The following TRPC3 variants were observed in gnomAD, a reference collection of about 807,000 sequenced individuals.
TRPC3 encodes short transient receptor potential channel 3.
In TRPC3, 54 loss-of-function variants were observed where a neutral mutation model predicts 90.9. That is an observed-to-expected ratio of 0.59 (90% CI 0.48 to 0.75). The LOEUF (loss-of-function observed/expected upper bound fraction) is 0.75. Ranked by LOEUF, TRPC3 falls within the 30% of genes least tolerant of loss-of-function variation. TRPC3 has a pLI of 0.00. For missense variants in TRPC3, 918 were observed against 1,194.5 expected (o/e 0.77, Z 3.41); for synonymous variants, 424 against 450.9 (o/e 0.94, Z 0.75).
At chr4:121,942,596 T>A (rs1730357957) in intron 1 of TRPC3, among the ~76,000 whole-genome samples, 1 of 152,104 alleles carries the variant, frequency 6.6e-6, no homozygotes, top group Admixed American at 6.6e-5. Context: ...ACAAAAAACT[T>A]AAAAACAATC....
chr4:121,920,726 T>C (rs1729472997), intron 3 of TRPC3, among the ~76,000 whole-genome samples: 1 of 152,218 alleles, frequency 6.6e-6, no homozygotes, highest in Non-Finnish European at 1.5e-5. Flanking sequence ...ATTTTAAATA[T>C]GCATGTTAGC....
intron 1 of TRPC3, among the ~76,000 whole-genome samples, chr4:121,943,570 T>TC (rs1015261833): frequency 3.9e-5 from 6 of 152,130 alleles, no homozygotes; most frequent in African/African-American, 1.4e-4. Flanking sequence ...TTTTATTATT[T>TC]CAGGAAGACT....
chr4:121,932,797 G>C lies in TRPC3; in HGVS notation c.461C>G (p.Ala154Gly), dbSNP rs1729993564. ...DYMGQNALQL[A>G]VGNEHLEVTE... ...CACCTCCAGGTGCTCGTTGCCCACAGCCAGCTGCAGCGCGTTCTGGCCCAT... is the reference window on the plus strand; with the variant it reads ...CACCTCCAGGTGCTCGTTGCCCACACCCAGCTGCAGCGCGTTCTGGCCCAT... The change falls in exon 2 of 12, where the codon GCT becomes GGT. Residue 154 changes from alanine (A) to glycine (G), a missense_variant. By Grantham distance (60) the Ala-to-Gly change is moderately conservative. Coordinates refer to ENST00000379645, the MANE Select transcript of TRPC3 (RefSeq NM_001130698.2). This position sits in a 1 kb window ranked among gnomAD's most constrained non-coding sequence, Gnocchi z 7.7. 6.2e-7 allele frequency: 1 copy of C among 1,610,636 alleles called. No homozygotes were observed. Among genetic ancestry groups the C allele is most frequent in the South Asian group, 1.1e-5 (1 of 90,794 alleles).
rs1730713008 is a variant in TRPC3 at position 121,951,049 on chromosome 4, C to T, written c.215+417G>A. Among the ~76,000 whole-genome samples the T allele has an allele frequency of 6.6e-6, 1 of 152,214 alleles. No homozygotes were observed. Among genetic ancestry groups the T allele is most frequent in the Non-Finnish European group, 1.5e-5 (1 of 68,032 alleles). On this transcript the variant is annotated intron_variant, in intron 1 of 11. Coordinates refer to ENST00000379645, the MANE Select transcript of TRPC3 (RefSeq NM_001130698.2). The surrounding 1 kb of genome is among the most constrained non-coding windows in gnomAD (Gnocchi z 4.4). ...GCGCGCCTGGGTCTGTGCACATCTT[C>T]CCCTTCCTCGGCCTCCCTGGGTAAG...
chr4:121,898,466 T>C (rs1010248219), intron 10 of TRPC3, among the ~76,000 whole-genome samples: 2 of 152,182 alleles, frequency 1.3e-5, no homozygotes, highest in African/African-American at 4.8e-5. Flanking sequence ...TATGAGAATC[T>C]AATGCCTGAA....
intron 1 of TRPC3, among the ~76,000 whole-genome samples, chr4:121,945,978 A>G (rs1318107429): frequency 6.6e-6 from 1 of 152,234 alleles, no homozygotes; most frequent in Non-Finnish European, 1.5e-5. Flanking sequence ...TAATCACTAA[A>G]ATGGAAATAA....
intron 2 of TRPC3, among the ~76,000 whole-genome samples, chr4:121,929,507 T>G (rs924478491): frequency 4.6e-5 from 7 of 152,220 alleles, no homozygotes; most frequent in Non-Finnish European, 1.0e-4. Flanking sequence ...TTTGGAGGAT[T>G]AGACCAAGAG....
Position 121,951,749 on chromosome 4 carries a change from C to A in TRPC3, c.-69G>T. ...TCCTCCGCCTTCGCGGCAGTGCAGT[C>A]TTCCCGCGGCGCCCCTTCACCACCT... is the stretch of plus-strand genomic sequence containing the variant. On this transcript the variant is annotated 5_prime_UTR_variant, in exon 1 of 12. Transcript: ENST00000379645. The surrounding 1 kb of genome is among the most constrained non-coding windows in gnomAD (Gnocchi z 4.4). 1 of 1,225,932 alleles carries A rather than the reference C, an allele frequency of 8.2e-7. No individual in the cohort carries two copies. Among genetic ancestry groups the A allele is most frequent in the South Asian group, 3.0e-5 (1 of 33,842 alleles). The allele number at this position is 1,225,932 out of a possible 1,614,324, so 75.9% of individuals were successfully genotyped here.
chr4:121,951,698 G>C lies in TRPC3; in HGVS notation c.-18C>G. 1 of 1,298,266 alleles carries C rather than the reference G, an allele frequency of 7.7e-7. No homozygotes were observed. The highest frequency in any genetic ancestry group is 1.5e-5 in the African/African-American group (1 of 64,924). The allele number at this position is 1,298,266 out of a possible 1,614,324, so 80.4% of individuals were successfully genotyped here. On this transcript the variant is annotated 5_prime_UTR_variant, in exon 1 of 12. Coordinates refer to ENST00000379645, the MANE Select transcript of TRPC3 (RefSeq NM_001130698.2). The surrounding 1 kb of genome is among the most constrained non-coding windows in gnomAD (Gnocchi z 4.4). ...GTGGACATCGCGCCGGCTGCGGTCC[G>C]AGTGTGGGGGTGCCGGCTGCCGGCC... is the stretch of plus-strand genomic sequence containing the variant.
At chr4:121,899,153 G>A (rs374164970) in intron 10 of TRPC3, among the ~76,000 whole-genome samples, 1 of 152,142 alleles carries the variant, frequency 6.6e-6, no homozygotes, top group African/African-American at 2.4e-5. Flanking sequence ...ATATTTTAAA[G>A]TAGCACTCAT....
intron 1 of TRPC3, among the ~76,000 whole-genome samples, chr4:121,946,386 TAGA>T (rs1730489967): frequency 6.6e-6 from 1 of 152,298 alleles, no homozygotes; most frequent in South Asian, 2.1e-4. Context: ...TTAGACACCG[TAGA>T]AGATTTAGCT....
intron 1 of TRPC3, among the ~76,000 whole-genome samples, chr4:121,939,496 A>G (rs907791878): frequency 6.6e-6 from 1 of 152,198 alleles, no homozygotes; most frequent in Non-Finnish European, 1.5e-5. Flanking sequence ...AGGACAAATA[A>G]ATAACAGAAG....
At chr4:121,941,720 A>G (rs1730318864) in intron 1 of TRPC3, among the ~76,000 whole-genome samples, 2 of 152,358 alleles carry the variant, frequency 1.3e-5, no homozygotes, top group South Asian at 2.1e-4. Flanking sequence ...GACATCTGAC[A>G]TTTACACAAT....
chr4:121,886,533 A>G (rs1029917043), intron 10 of TRPC3, among the ~76,000 whole-genome samples: 4 of 152,318 alleles, frequency 2.6e-5, no homozygotes, highest in Admixed American at 2.6e-4. Flanking sequence ...CTATTTTTCC[A>G]GACAGCTGGT....
At chr4:121,922,085 A>AT (rs986565060) in intron 3 of TRPC3, among the ~76,000 whole-genome samples, 2 of 151,418 alleles carry the variant, frequency 1.3e-5, no homozygotes, top group South Asian at 2.1e-4. Flanking sequence ...CGCCCGTCTA[A>AT]TTTTTTTGTA....
chr4:121,916,360 A>C (rs776896676), intron 3 of TRPC3, among the ~76,000 whole-genome samples: 3 of 152,218 alleles, frequency 2.0e-5, no homozygotes, highest in Admixed American at 6.5e-5. Flanking sequence ...CTGCACTGGC[A>C]GCTGCCTCCG....
intron 8 of TRPC3, among the ~76,000 whole-genome samples, chr4:121,903,305 T>C (rs1052882196): frequency 1.3e-5 from 2 of 151,958 alleles, no homozygotes; most frequent in African/African-American, 4.8e-5. Context: ...CTGTCTAACA[T>C]CCAAAAACAA....
At chr4:121,918,781 G>T (rs1445673701) in intron 3 of TRPC3, among the ~76,000 whole-genome samples, 1 of 152,092 alleles carries the variant, frequency 6.6e-6, no homozygotes, top group Non-Finnish European at 1.5e-5. Flanking sequence ...AAATCCTAAT[G>T]CAAGTACACA....
chr4:121,933,615 T>G (rs111487214), intron 1 of TRPC3, among the ~76,000 whole-genome samples: 3,248 of 152,272 alleles, frequency 0.021, 53 homozygotes, highest in Middle Eastern at 0.071. Context: ...TTTAAAATTT[T>G]TGTTTATTTA....
Sources: gnomAD v4.1 joint callset for allele counts (sites outside exome capture counted in the v4.1 genomes callset) on GRCh38, gnomAD v4.1.1 for gene constraint, Gnocchi (gnomAD v3.1) non-coding constraint, MANE v1.5 for transcripts, NCBI Gene and HGNC (gene_info 2026-07-23, HGNC 2026-07-21) for gene names.